TCF7L2: variants seen among roughly 807,000 people sequenced by gnomAD.
The protein encoded by TCF7L2 is transcription factor 7 like 2, also known as transcription factor 7-like 2.
TCF7L2 carries 23 observed loss-of-function variants against 77.9 expected under a neutral mutation model. The observed-to-expected ratio is 0.30, with a 90% CI of 0.21 to 0.42. The LOEUF (loss-of-function observed/expected upper bound fraction) is 0.42. Among genes scored for constraint, TCF7L2 ranks in the 10% least tolerant of loss-of-function variants. The probability of loss-of-function intolerance (pLI) is 1.00; values close to 1 mark genes in which losing one functional copy is unlikely to be tolerated. For synonymous variants in TCF7L2, 413 were observed against 340.2 expected (o/e 1.21, Z -2.36); for missense variants, 654 against 793.1 (o/e 0.82, Z 2.11).
Position 113,166,999 on chromosome 10 carries a change from C to T in TCF7L2, c.*1027C>T, listed in dbSNP as rs909288290. ...AGCAGTGGGAACCATCTTCGTTTCC[C>T]CTTTGAACTCCCAGTGGGATGCCCT... is the stretch of plus-strand genomic sequence containing the variant. On this transcript the variant is annotated 3_prime_UTR_variant, in exon 14 of 14. Transcript: ENST00000627217. 2.6e-5 allele frequency: 6 copies of T among 231,336 alleles called. No individual in the cohort carries two copies. Among genetic ancestry groups the T allele is most frequent in the South Asian group, 3.6e-4 (2 of 5,512 alleles). The allele number at this position is 231,336 out of a possible 1,614,324, so 14.3% of individuals were successfully genotyped here.
At chr10:113,153,587 G>T (rs900573448) in intron 11 of TCF7L2, among the ~76,000 whole-genome samples, 6 of 152,172 alleles carry the variant, frequency 3.9e-5, no homozygotes, top group African/African-American at 9.7e-5. Context: ...GGCTTCTGTG[G>T]CAGGGGCTGG....
intron 5 of TCF7L2, among the ~76,000 whole-genome samples, chr10:113,055,080 G>T (rs2055151386): frequency 6.6e-6 from 1 of 152,110 alleles, no homozygotes; most frequent in African/African-American, 2.4e-5. Flanking sequence ...CATCCTTTGG[G>T]CAAGTGTATG....
In TCF7L2 at chr10:113,070,267, A is replaced by T. The variant is rs868187055; in HGVS notation, c.552+30141A>T. On this transcript the variant is annotated intron_variant, in intron 5 of 13. Transcript: ENST00000627217. ...GAGACTCCGTCTTAAAAAAAAAAAAATTTATATATATATATATATATATGA... is the reference window on the plus strand; with the variant it reads ...GAGACTCCGTCTTAAAAAAAAAAAATTTTATATATATATATATATATATGA... Among the ~76,000 whole-genome samples the T allele has an allele frequency of 0.017, 588 of 34,356 alleles. 8 individuals carry two copies. The South Asian group carries it at 0.19, about 11-fold the overall frequency. 22.5% of individuals were successfully genotyped at this position (34,356 alleles called of 152,430 possible).
intron 4 of TCF7L2, among the ~76,000 whole-genome samples, chr10:112,967,827 G>T (rs908768578): frequency 2.0e-5 from 3 of 152,120 alleles, no homozygotes; most frequent in African/African-American, 7.2e-5. Flanking sequence ...TGGAGATGGG[G>T]TTTCTCCATG....
chr10:112,970,547 T>C (rs1228699521), intron 4 of TCF7L2, among the ~76,000 whole-genome samples: 4 of 152,012 alleles, frequency 2.6e-5, no homozygotes, highest in Admixed American at 1.3e-4. Context: ...ATTGTTAAGA[T>C]TCCTGGGGTG....
intron 5 of TCF7L2, among the ~76,000 whole-genome samples, chr10:113,085,746 A>G (rs917969760): frequency 2.0e-5 from 3 of 152,170 alleles, no homozygotes; most frequent in Non-Finnish European, 4.4e-5. Flanking sequence ...CTGTCAGTCT[A>G]CCTTCTCTCT....
rs2068355364 is a variant in TCF7L2 at position 113,141,418 on chromosome 10, C to G, written c.685+102C>G. On this transcript the variant is annotated intron_variant, in intron 6 of 13. Transcript: ENST00000627217. The stretch of plus-strand genomic sequence containing the variant: ...ACCCCAGGGGTGGAGCAGTAGGGGA[C>G]TTTGGGGGAACGGTGGTGGGGGGGC... The G allele has an allele frequency of 2.0e-6, 3 of 1,520,264 alleles. 1 individual carries two copies. Among genetic ancestry groups the G allele is most frequent in the South Asian group, 2.5e-5 (2 of 79,674 alleles). 94.2% of individuals were successfully genotyped at this position (1,520,264 alleles called of 1,614,324 possible).
Position 113,146,065 on chromosome 10 carries a change from C to G in TCF7L2, c.843C>G (p.Pro281=), listed in dbSNP as rs1038400917. ...CAGGAGGATTCAGACACCCCTACCCCACAGCTCTGACCGTCAATGCTTCCA... is the reference window on the plus strand; with the variant it reads ...CAGGAGGATTCAGACACCCCTACCCGACAGCTCTGACCGTCAATGCTTCCA... The change falls in exon 8 of 14, where the codon CCC becomes CCG. Residue 281 remains proline (P), a synonymous_variant. Transcript: ENST00000627217. The G allele has an allele frequency of 2.5e-6, 4 of 1,613,668 alleles. No homozygotes were observed. Among genetic ancestry groups the G allele is most frequent in the East Asian group, 2.2e-5 (1 of 44,864 alleles).
intron 4 of TCF7L2, among the ~76,000 whole-genome samples, chr10:113,008,987 G>T (rs1219733952): frequency 2.0e-5 from 3 of 152,112 alleles, no homozygotes; most frequent in Non-Finnish European, 4.4e-5. Context: ...TGTTGCCCAG[G>T]CTGGAGCACA....
At chr10:112,967,632 A>G (rs934231973) in intron 4 of TCF7L2, among the ~76,000 whole-genome samples, 2 of 141,736 alleles carry the variant, frequency 1.4e-5, no homozygotes, top group African/African-American at 5.9e-5. Context: ...AAGAAAATTA[A>G]AAGTTTTTTT....
intron 4 of TCF7L2, among the ~76,000 whole-genome samples, chr10:112,990,810 T>C (rs1008586982): frequency 2.0e-5 from 3 of 152,226 alleles, no homozygotes; most frequent in African/African-American, 7.2e-5. Flanking sequence ...AAAATGGTAA[T>C]AACGTTTCCG....
chr10:112,974,405 G>A lies in TCF7L2; in HGVS notation c.450+9781G>A, dbSNP rs181351324. 1.7e-3 allele frequency among the ~76,000 whole-genome samples: 261 copies of A among 152,206 alleles called. 2 individuals are homozygous for A. Among genetic ancestry groups the A allele is most frequent in the Admixed American group, 3.5e-3 (53 of 15,274 alleles). On this transcript the variant is annotated intron_variant, in intron 4 of 13. Transcript: ENST00000627217. ...TTATGGGCCACGGCAGGTGGGCCTC[G>A]AGGTCTGACCTATGGCAGTCAGCTG...
chr10:113,083,531 A>G (rs79805154), intron 5 of TCF7L2, among the ~76,000 whole-genome samples: 6,257 of 152,234 alleles, frequency 0.041, 172 homozygotes, highest in South Asian at 0.062. Flanking sequence ...TTCAGATGTA[A>G]TTAGTTCCCA....
intron 5 of TCF7L2, among the ~76,000 whole-genome samples, chr10:113,086,315 A>T (rs74157211): frequency 6.6e-6 from 1 of 152,318 alleles, no homozygotes; most frequent in African/African-American, 2.4e-5. Context: ...ATTGATCCAT[A>T]ACTGAAAAGT....
In TCF7L2 at chr10:112,990,897, G is replaced by C. The variant is rs534353991; in HGVS notation, c.450+26273G>C. On this transcript the variant is annotated intron_variant, in intron 4 of 13. Coordinates refer to ENST00000627217, the MANE Select transcript of TCF7L2 (RefSeq NM_001146274.2). ...CTCTGGGGAGAAAAATGCTACCCAA[G>C]ACAGGCTTTTCAATTGGAGACTGAT... 2.2e-3 allele frequency among the ~76,000 whole-genome samples: 338 copies of C among 152,236 alleles called. 1 individual carries two copies. The highest frequency in any genetic ancestry group is 7.6e-3 in the African/African-American group (314 of 41,542).
intron 1 of TCF7L2, 103 bp downstream of exon 1, chr10:112,951,048 C>T (rs1304029052): frequency 8.3e-6 from 12 of 1,446,602 alleles, no homozygotes; most frequent in Admixed American, 2.6e-5. Flanking sequence ...GCGGCGGGGC[C>T]CGGCGGGCGG....
chr10:113,026,190 G>A (rs1478483781), intron 4 of TCF7L2, among the ~76,000 whole-genome samples: 4 of 138,104 alleles, frequency 2.9e-5, no homozygotes, highest in Admixed American at 7.3e-5. Flanking sequence ...ACCCCCTGTC[G>A]CCCAGGCTGG....
chr10:113,078,587 G>A (rs920657815), intron 5 of TCF7L2, among the ~76,000 whole-genome samples: 3 of 152,028 alleles, frequency 2.0e-5, no homozygotes, highest in Admixed American at 2.0e-4. Flanking sequence ...ACTATAGGCT[G>A]GTCTTGAATT....
At position 113,099,301 on chromosome 10, in the gene TCF7L2, G is replaced by A. The variant is rs116958326; in HGVS notation, c.553-41883G>A. 1.4e-4 allele frequency among the ~76,000 whole-genome samples: 22 copies of A among 152,284 alleles called. No individual in the cohort carries two copies. The East Asian group carries it at 3.9e-3, about 27-fold the overall frequency. On this transcript the variant is annotated intron_variant, in intron 5 of 13. Transcript: ENST00000627217. ...TATTTTAGTCTTTCTCAGATGTCAG[G>A]ACAGATTTTTAAGATTTGGGCATAA... is the stretch of plus-strand genomic sequence containing the variant.
Sources: gnomAD v4.1 joint callset for allele counts (sites outside exome capture counted in the v4.1 genomes callset) on GRCh38, gnomAD v4.1.1 for gene constraint, MANE v1.5 for transcripts, NCBI Gene and HGNC (gene_info 2026-07-23, HGNC 2026-07-21) for gene names.